PRDM15: variants seen among roughly 807,000 people sequenced by gnomAD.
The protein encoded by PRDM15 is PR domain zinc finger protein 15.
In PRDM15, 64 loss-of-function variants were observed where a neutral mutation model predicts 128.6. The ratio of observed to expected loss-of-function variants is 0.50; its 90% CI spans 0.41 to 0.61. The LOEUF (loss-of-function observed/expected upper bound fraction) is 0.61, where lower values mean the gene tolerates loss of function less well. PRDM15 is among the 20% of genes least tolerant of loss of function. The pLI, the probability that PRDM15 is intolerant of heterozygous loss-of-function variation, is 0.00. For synonymous variants in PRDM15, 615 were observed against 621.8 expected (o/e 0.99, Z 0.16); for missense variants, 1,242 against 1,569.1 (o/e 0.79, Z 3.52).
At chr21:41,843,332 C>T (rs1051881599) in intron 6 of PRDM15, among the ~76,000 whole-genome samples, 3 of 152,166 alleles carry the variant, frequency 2.0e-5, no homozygotes, top group Non-Finnish European at 2.9e-5. Flanking sequence ...GGAGCCCTTG[C>T]TGCTGCTCCA....
intron 7 of PRDM15, among the ~76,000 whole-genome samples, chr21:41,838,630 G>C (rs1398248774): frequency 6.6e-6 from 1 of 152,208 alleles, no homozygotes; most frequent in Non-Finnish European, 1.5e-5. Context: ...ACACAAGTAA[G>C]AATTAGTGAA....
intron 21 of PRDM15, among the ~76,000 whole-genome samples, chr21:41,806,427 T>TCAC (rs1568882896): frequency 9.2e-5 from 1 of 10,894 alleles, no homozygotes; most frequent in Admixed American, 1.3e-3. Flanking sequence ...ACCACCACCA[T>TCAC]CACCACCACC....
rs1268129276 is a variant in PRDM15, at chr21:41,800,618, T to TGAC, written c.*619_*621dup. On this transcript the variant is annotated 3_prime_UTR_variant, in exon 24 of 24. Coordinates refer to ENST00000398548, the MANE Select transcript of PRDM15 (RefSeq NM_001040424.3). Reference sequence around the variant, plus strand: ...GACCCCTTGCACATGATGACCGTGATGACCTCGAAGGTTGCAGGATCAGGT... The same window carrying TGAC: ...GACCCCTTGCACATGATGACCGTGATGACGACCTCGAAGGTTGCAGGATCAGGT... 6.6e-6 allele frequency: 1 copy of TGAC among 152,232 alleles called. No homozygotes were observed. The highest frequency in any genetic ancestry group is 1.5e-5 in the Non-Finnish European group (1 of 68,060). The allele number at this position is 152,232 out of a possible 1,614,324, so 9.4% of individuals were successfully genotyped here.
Position 41,811,222 on chromosome 21 carries a change from T to TG in PRDM15, c.2393-387dup. On this transcript the variant is annotated intron_variant, in intron 19 of 23. Transcript: ENST00000398548. The surrounding 1 kb of genome is among the most constrained non-coding windows in gnomAD (Gnocchi z 4.1). ...TGTGATATTACAATGAGAGAGGAAA[T>TG]GGTAACTGAAATCAGGACCAATGGC... 5.2e-6 allele frequency: 1 copy of TG among 192,000 alleles called. No individual in the cohort carries two copies. The highest frequency in any genetic ancestry group is 1.2e-4 in the East Asian group (1 of 8,544). The allele number at this position is 192,000 out of a possible 1,614,324, so 11.9% of individuals were successfully genotyped here.
In PRDM15 at chr21:41,854,918, G is replaced by C. The variant is rs565198213; in HGVS notation, c.286-100C>G. The C allele has an allele frequency of 1.5e-6, 2 of 1,362,312 alleles. No individual in the cohort carries two copies. Among genetic ancestry groups the C allele is most frequent in the African/African-American group, 2.9e-5 (2 of 69,208 alleles). 84.4% of individuals were successfully genotyped at this position (1,362,312 alleles called of 1,614,324 possible). A position where few individuals can be genotyped will look rare whatever the true frequency, so the allele number is the denominator to read the frequency against. ...AGGTGCTGAGGAACCCATCTAGACAGTGCCACGTCAGAGGCCATAAGGGCT... is the reference window on the plus strand; with the variant it reads ...AGGTGCTGAGGAACCCATCTAGACACTGCCACGTCAGAGGCCATAAGGGCT... On this transcript the variant is annotated intron_variant, in intron 4 of 23. Transcript: ENST00000398548. This position sits in a 1 kb window ranked among gnomAD's most constrained non-coding sequence, Gnocchi z 4.6.
At chr21:41,875,885 T>A (rs900447662) in intron 1 of PRDM15, among the ~76,000 whole-genome samples, 1 of 152,170 alleles carries the variant, frequency 6.6e-6, no homozygotes, top group South Asian at 2.1e-4. Flanking sequence ...AATGCATTGC[T>A]ATGGGATTTT....
Position 41,862,995 on chromosome 21 carries a change from C to A in PRDM15, c.-9-2623G>T, listed in dbSNP as rs1372614159. Among the ~76,000 whole-genome samples the A allele has an allele frequency of 6.6e-6, 1 of 151,906 alleles. No individual in the cohort carries two copies. Among genetic ancestry groups the A allele is most frequent in the African/African-American group, 2.4e-5 (1 of 41,338 alleles). On this transcript the variant is annotated intron_variant, in intron 1 of 23. Transcript: ENST00000398548. This position sits in a 1 kb window ranked among gnomAD's most constrained non-coding sequence, Gnocchi z 4.1. ...ACCAGCCTGGCCGACATGGTGAAAC[C>A]CCATCTCTACTAAAAATACAAAAAC...
chr21:41,819,935 C>T (rs1341467631), intron 17 of PRDM15, among the ~76,000 whole-genome samples, 160 bp downstream of exon 17: 1 of 152,108 alleles, frequency 6.6e-6, no homozygotes, highest in Non-Finnish European at 1.5e-5. Context: ...CTGTGAGTGG[C>T]AGGGCTGATA....
At chr21:41,866,812 C>T (rs1474538324) in intron 1 of PRDM15, among the ~76,000 whole-genome samples, 6 of 152,136 alleles carry the variant, frequency 3.9e-5, no homozygotes, top group African/African-American at 1.2e-4. Context: ...AGGGTGCGAC[C>T]GGGGCCTGCA....
intron 14 of PRDM15, 96 bp from the exon 15 acceptor site, chr21:41,822,133 C>T: frequency 6.4e-7 from 1 of 1,554,582 alleles, no homozygotes. Context: ...TCCCCAGATG[C>T]AGAAGAAAAT....
chr21:41,809,279 C>G (rs753128868), intron 21 of PRDM15, among the ~76,000 whole-genome samples: 1 of 148,340 alleles, frequency 6.7e-6, no homozygotes, highest in Non-Finnish European at 1.5e-5. Context: ...GTCACCCAGG[C>G]TGGAGTGCAG....
Position 41,835,475 on chromosome 21 carries a change from C to T in PRDM15, c.1328G>A (p.Arg443His). Residue 443 changes from arginine (R) to histidine (H), a missense_variant, in exon 11 of 24, where the codon CGC becomes CAC. Arg to His is a conservative substitution (Grantham distance 29, BLOSUM62 0). Coordinates refer to ENST00000398548, the MANE Select transcript of PRDM15 (RefSeq NM_001040424.3). The stretch of plus-strand genomic sequence containing the variant: ...GTGGAACTCCAGCGCGCTCTCGATG[C>T]GGAAGGTCTTCTCACAAGTGCCGCA... ...YRCGTCEKTF[R>H]IESALEFHNC... The T allele has an allele frequency of 3.1e-6, 5 of 1,610,416 alleles. No homozygotes were observed. Among genetic ancestry groups the T allele is most frequent in the Non-Finnish European group, 4.2e-6 (5 of 1,179,866 alleles).
chr21:41,867,355 G>A lies in PRDM15; in HGVS notation c.-9-6983C>T, dbSNP rs143007741. 3.0e-5 allele frequency: 49 copies of A among 1,613,604 alleles called. 1 individual carries two copies. In the Middle Eastern group the frequency reaches 2.0e-3, roughly 65 times the overall value. On this transcript the variant is annotated intron_variant, in intron 1 of 23. Coordinates refer to ENST00000398548, the MANE Select transcript of PRDM15 (RefSeq NM_001040424.3). ...GGGGCAGATTTTCCTGGTTCCCCCAGGAAAAGTTTTGTGCAAAGGGTCCTG... is the reference window on the plus strand; with the variant it reads ...GGGGCAGATTTTCCTGGTTCCCCCAAGAAAAGTTTTGTGCAAAGGGTCCTG...
intron 14 of PRDM15, among the ~76,000 whole-genome samples, chr21:41,822,501 C>T (rs1010409997): frequency 1.3e-5 from 2 of 152,222 alleles, no homozygotes; most frequent in African/African-American, 2.4e-5. Context: ...GAAGCAGCCA[C>T]GGTGGGAGAG....
rs1381606937 is a variant in PRDM15, at chr21:41,851,737, T to A, written c.538+2829A>T. On this transcript the variant is annotated intron_variant, in intron 5 of 23. Coordinates refer to ENST00000398548, the MANE Select transcript of PRDM15 (RefSeq NM_001040424.3). ...AGCCAGAGCTCAACAGGGGGCTCTC[T>A]CGGGAAGGAAAGGGAAGGAAGGACC... 4.0e-4 allele frequency among the ~76,000 whole-genome samples: 61 copies of A among 152,104 alleles called. 1 individual carries two copies. The highest frequency in any genetic ancestry group is 5.9e-5 in the Non-Finnish European group (4 of 67,992).
At chr21:41,806,397 C>CCACCACCAT (rs2061630063) in intron 21 of PRDM15, among the ~76,000 whole-genome samples, 1 of 36,722 alleles carries the variant, frequency 2.7e-5, no homozygotes. Context: ...ACCACCATCA[C>CCACCACCAT]CACCACCACC....
At position 41,828,177 on chromosome 21, in the gene PRDM15, C is replaced by G; in HGVS notation, c.1523G>C (p.Arg508Pro). The change falls in exon 12 of 24, where the codon CGG becomes CCG. Residue 508 changes from arginine to proline, a missense_variant. Arg to Pro is a moderately radical substitution (Grantham distance 103). Transcript: ENST00000398548. The surrounding 1 kb of genome is among the most constrained non-coding windows in gnomAD (Gnocchi z 5.7). The part of the protein sequence containing the change: ...RKDVMLDHQR[R>P]HLEGVRRVKR... The stretch of plus-strand genomic sequence containing the variant: ...GCAGGCGGCCTCACCTTCCAGGTGC[C>G]GGCGCTGGTGGTCCAGCATGACGTC... The G allele has an allele frequency of 6.2e-7, 1 of 1,613,774 alleles. No homozygotes were observed. The highest frequency in any genetic ancestry group is 8.5e-7 in the Non-Finnish European group (1 of 1,179,930).
chr21:41,858,854 G>T (rs1007497949), intron 3 of PRDM15, among the ~76,000 whole-genome samples: 1 of 152,126 alleles, frequency 6.6e-6, no homozygotes, highest in South Asian at 2.1e-4. Flanking sequence ...ATAAATGAAC[G>T]GTGTTGTGGG....
chr21:41,856,648 A>G (rs1403593527), intron 4 of PRDM15, among the ~76,000 whole-genome samples: 3 of 152,120 alleles, frequency 2.0e-5, no homozygotes, highest in Non-Finnish European at 4.4e-5. Flanking sequence ...TGCAATTTAC[A>G]TACATCTTAG....
Sources: allele counts gnomAD v4.1 joint callset (sites outside exome capture counted in the v4.1 genomes callset), GRCh38; gene constraint gnomAD v4.1.1; non-coding constraint Gnocchi (gnomAD v3.1); transcripts MANE v1.5; gene names NCBI Gene and HGNC (gene_info 2026-07-23, HGNC 2026-07-21).